The following DAGLB variants were observed in gnomAD, a reference collection of about 807,000 sequenced individuals.
DAGLB encodes diacylglycerol lipase-beta.
A neutral mutation model predicts 72.1 loss-of-function variants in DAGLB; 66 were observed. The ratio of observed to expected loss-of-function variants is 0.92; its 90% confidence interval spans 0.75 to 1.12. The LOEUF is 1.12. Ranked by LOEUF, DAGLB falls within the 50% of genes most tolerant of loss-of-function variation. The probability of loss-of-function intolerance (pLI) is 0.00; values close to 1 mark genes in which losing one functional copy is unlikely to be tolerated. For synonymous variants in DAGLB, 414 were observed against 359.5 expected, an observed-to-expected ratio of 1.15 and a Z score of -1.71; for missense variants, 1,065 against 884.9, an observed-to-expected ratio of 1.20 and a Z score of -2.58.
At chr7:6,414,721 G>C (rs1783846323) in intron 11 of DAGLB, among the ~76,000 whole-genome samples, 1 of 152,032 alleles carries the variant, frequency 6.6e-6, no homozygotes, top group Admixed American at 6.6e-5. Flanking sequence ...GTGGTAATGA[G>C]AACTACCAGT....
At chr7:6,421,089 G>T (rs1784102153) in intron 9 of DAGLB, among the ~76,000 whole-genome samples, 1 of 152,310 alleles carries the variant, frequency 6.6e-6, no homozygotes, top group African/African-American at 2.4e-5. Context: ...GATTACTTGA[G>T]CCCAGGAGGT....
At chr7:6,438,986 C>T (rs1430610328) in intron 2 of DAGLB, among the ~76,000 whole-genome samples, 1 of 151,948 alleles carries the variant, frequency 6.6e-6, no homozygotes, top group Non-Finnish European at 1.5e-5. Flanking sequence ...TTTGGGAGGC[C>T]GAGGTGGATG....
intron 9 of DAGLB, among the ~76,000 whole-genome samples, chr7:6,421,260 T>C (rs1021734750): frequency 1.3e-5 from 2 of 152,204 alleles, no homozygotes; most frequent in Non-Finnish European, 2.9e-5. Context: ...GGCTTCTCTC[T>C]CTTAGAACAA....
chr7:6,423,631 A>C (rs1464079637), intron 8 of DAGLB, among the ~76,000 whole-genome samples: 1 of 146,076 alleles, frequency 6.8e-6, no homozygotes, highest in African/African-American at 2.6e-5. Flanking sequence ...CTCTGTCTCC[A>C]GGCTGGAGTG....
At chr7:6,417,289 G>T (rs545942064) in intron 9 of DAGLB, 1 of 177,048 alleles carries the variant, frequency 5.6e-6, no homozygotes, top group Non-Finnish European at 1.2e-5. Flanking sequence ...ACGGGGCTTG[G>T]TGGCGAGCGC....
At chr7:6,430,282 T>TATATATATATATATATATATAG (rs1583294090) in intron 6 of DAGLB, among the ~76,000 whole-genome samples, 198 bp downstream of exon 6, 1 of 105,798 alleles carries the variant, frequency 9.5e-6, no homozygotes, top group Non-Finnish European at 1.8e-5. Flanking sequence ...TATATATATA[T>TATATATATATATATATATATAG]GCAGGGGGGA....
At chr7:6,430,163 C>T (rs993321316) in intron 6 of DAGLB, among the ~76,000 whole-genome samples, 4 of 150,342 alleles carry the variant, frequency 2.7e-5, no homozygotes, top group African/African-American at 9.8e-5. Flanking sequence ...TGAGATCACG[C>T]CACTGCACTC....
rs1383814809 is a variant in DAGLB, at chr7:6,425,876, T to C, written c.1056+112A>G. ...TGAAATAGTACACAGGACTTAGAAG[T>C]GTGTTTGTGTGTCTATGAATTACGG... On this transcript the variant is annotated intron_variant, in intron 7 of 14. Transcript: ENST00000297056. The C allele has an allele frequency of 2.1e-5, 32 of 1,522,506 alleles. No individual in the cohort carries two copies. The Middle Eastern group carries it at 8.0e-4, about 38-fold the overall frequency. 94.3% of individuals were successfully genotyped at this position (1,522,506 alleles called of 1,614,324 possible).
chr7:6,447,479 G>C (rs557667697), intron 1 of DAGLB, among the ~76,000 whole-genome samples: 2 of 152,314 alleles, frequency 1.3e-5, no homozygotes, highest in African/African-American at 4.8e-5. Flanking sequence ...AGGGGTGCTC[G>C]CGTCCTGCTG....
intron 1 of DAGLB, among the ~76,000 whole-genome samples, chr7:6,446,442 C>T (rs1298928004): frequency 1.7e-5 from 2 of 119,486 alleles, no homozygotes; most frequent in African/African-American, 6.3e-5. Context: ...CGTGTCACTG[C>T]ACTCCAGCCT....
intron 2 of DAGLB, 124 bp downstream of exon 2, chr7:6,445,829 C>T: frequency 9.0e-7 from 1 of 1,111,304 alleles, no homozygotes; most frequent in Non-Finnish European, 1.2e-6. Context: ...GGCTGCACAA[C>T]TCTGTGATTA....
Position 6,432,880 on chromosome 7 carries a change from T to C in DAGLB, c.758A>G (p.Gln253Arg). The C allele has an allele frequency of 1.2e-6, 2 of 1,613,910 alleles. No homozygotes were observed. Among genetic ancestry groups the C allele is most frequent in the Non-Finnish European group, 1.7e-6 (2 of 1,179,992 alleles). The change falls in exon 5 of 15, where the codon CAA becomes CGA. Residue 253 changes from glutamine (Q) to arginine (R), a missense_variant. Physicochemically the swap from Gln to Arg is conservative, Grantham distance 43. Coordinates refer to ENST00000297056, the MANE Select transcript of DAGLB (RefSeq NM_139179.4). The part of the protein sequence containing the change: ...HQQQDNIRNN[Q>R]EPAQVVCHAP... Reference sequence around the variant, plus strand: ...ATGGCAGACCACCTGGGCAGGCTCTTGGTTGTTCCTGATATTGTCCTGTTG... The same window carrying C: ...ATGGCAGACCACCTGGGCAGGCTCTCGGTTGTTCCTGATATTGTCCTGTTG...
intron 8 of DAGLB, among the ~76,000 whole-genome samples, chr7:6,423,836 C>T (rs749449198): frequency 6.6e-6 from 1 of 151,874 alleles, no homozygotes; most frequent in East Asian, 1.9e-4. Context: ...ATCCACCCAC[C>T]TTGGCCTCCC....
intron 8 of DAGLB, chr7:6,422,126 A>C (rs1784147337): frequency 2.5e-6 from 1 of 404,466 alleles, no homozygotes; most frequent in Non-Finnish European, 4.8e-6. Context: ...AGGGTTCTGA[A>C]CAAAGCCTGG....
chr7:6,438,286 C>T (rs1050429384), intron 2 of DAGLB, among the ~76,000 whole-genome samples: 1 of 151,966 alleles, frequency 6.6e-6, no homozygotes, highest in African/African-American at 2.4e-5. Context: ...ACCAACATGG[C>T]ACATGTACAC....
intron 2 of DAGLB, among the ~76,000 whole-genome samples, chr7:6,437,702 G>A (rs1018777416): frequency 6.6e-6 from 1 of 152,164 alleles, no homozygotes; most frequent in Non-Finnish European, 1.5e-5. Flanking sequence ...AGGCTGGAGT[G>A]CAGTAGTGTG....
chr7:6,447,189 G>T lies in DAGLB; in HGVS notation c.95+559C>A, dbSNP rs573661589. Among the ~76,000 whole-genome samples, 7 of 152,206 alleles carry T rather than the reference G, an allele frequency of 4.6e-5. No homozygotes were observed. In the East Asian group the frequency reaches 1.2e-3, roughly 25 times the overall value. ...ATTCATTCCCTGCACAGATCCTCTG[G>T]GAACAGACTTCAGGTACCAATGCCA... On this transcript the variant is annotated intron_variant, in intron 1 of 14. Coordinates refer to ENST00000297056, the MANE Select transcript of DAGLB (RefSeq NM_139179.4).
In DAGLB at chr7:6,417,077, C is replaced by G. The variant is rs539587332; in HGVS notation, c.1219-156G>C. The G allele has an allele frequency of 3.0e-4, 234 of 791,596 alleles. 1 individual carries two copies. The African/African-American group carries it at 3.8e-3, about 13-fold the overall frequency. The allele number at this position is 791,596 out of a possible 1,614,324, so 49.0% of individuals were successfully genotyped here. On this transcript the variant is annotated intron_variant, in intron 9 of 14. Coordinates refer to ENST00000297056, the MANE Select transcript of DAGLB (RefSeq NM_139179.4). ...GCCACGTCCATCGTGCATGGCTGTG[C>G]TCCTGGCACCTTGCACAGCGCCTGA...
rs1164536132 is a variant in DAGLB at position 6,409,241 on chromosome 7, A to AGTGGGAATAGGCAGTTGGGGGGCT, written c.*572_*595dup. The AGTGGGAATAGGCAGTTGGGGGGCT allele has an allele frequency of 6.4e-6, 1 of 155,534 alleles. No individual in the cohort carries two copies. Among genetic ancestry groups the AGTGGGAATAGGCAGTTGGGGGGCT allele is most frequent in the Non-Finnish European group, 1.4e-5 (1 of 70,074 alleles). 9.6% of individuals were successfully genotyped at this position (155,534 alleles called of 1,614,324 possible). ...TCCTGATGTGGACAAACAACTGGGCAGTGGGAATAGGCAGTTGGGGGGCTG... is the reference window on the plus strand; with the variant it reads ...TCCTGATGTGGACAAACAACTGGGCAGTGGGAATAGGCAGTTGGGGGGCTGTGGGAATAGGCAGTTGGGGGGCTG... On this transcript the variant is annotated 3_prime_UTR_variant, in exon 15 of 15. Coordinates refer to ENST00000297056, the MANE Select transcript of DAGLB (RefSeq NM_139179.4).
Sources: gnomAD v4.1 joint callset for allele counts (sites outside exome capture counted in the v4.1 genomes callset) on GRCh38, gnomAD v4.1.1 for gene constraint, MANE v1.5 for transcripts, NCBI Gene and HGNC (gene_info 2026-07-23, HGNC 2026-07-21) for gene names.